ESRRB: variants seen among roughly 807,000 people sequenced by gnomAD.
ESRRB encodes steroid hormone receptor ERR2.
A neutral mutation model predicts 46.0 loss-of-function variants in ESRRB; 16 were observed. That is an observed-to-expected ratio of 0.35 (90% confidence interval 0.24 to 0.53). ESRRB has a LOEUF of 0.53. Ranked by LOEUF, ESRRB falls within the 20% of genes least tolerant of loss-of-function variation. The probability of loss-of-function intolerance (pLI) is 0.93; values close to 1 mark genes in which losing one functional copy is unlikely to be tolerated. For synonymous variants in ESRRB, 246 were observed against 259.6 expected (o/e 0.95, Z 0.50); for missense variants, 488 against 607.4 (o/e 0.80, Z 2.07).
At position 76,310,784 on chromosome 14, in the gene ESRRB, A is replaced by T. The variant is rs78226339; in HGVS notation, c.-131A>T. ...TGGGAGTACTGTGTCCTTAGTCACA[A>T]AGAGACACAGACAGGGGACTGTCAG... On this transcript the variant is annotated 5_prime_UTR_variant, in exon 1 of 7. Coordinates refer to the ESRRB transcript ENST00000512784. 9.5e-3 allele frequency: 4,317 copies of T among 452,692 alleles called. 150 individuals carry two copies. Among genetic ancestry groups the T allele is most frequent in the African/African-American group, 0.079 (3,882 of 48,956 alleles). The allele number at this position is 452,692 out of a possible 1,614,324, so 28.0% of individuals were successfully genotyped here.
At chr14:76,446,148 G>C (rs1034671643) in intron 2 of ESRRB, among the ~76,000 whole-genome samples, 2 of 152,156 alleles carry the variant, frequency 1.3e-5, no homozygotes, top group Admixed American at 6.6e-5. Flanking sequence ...TTTGTATATT[G>C]TCTATGGCTG....
intron 1 of ESRRB, among the ~76,000 whole-genome samples, chr14:76,331,482 AGAC>A (rs1884012658): frequency 6.6e-6 from 1 of 152,170 alleles, no homozygotes; most frequent in South Asian, 2.1e-4. Flanking sequence ...CTGCTCTTAA[AGAC>A]GTGAGAGGGA....
intron 1 of ESRRB, chr14:76,310,954 T>C (rs1423418575): frequency 2.2e-6 from 1 of 452,164 alleles, no homozygotes; most frequent in Admixed American, 2.4e-5. Context: ...CTCCCCAGAC[T>C]CTGCGGGTCC....
chr14:76,455,236 G>T (rs1888558058), intron 2 of ESRRB, among the ~76,000 whole-genome samples: 1 of 151,950 alleles, frequency 6.6e-6, no homozygotes, highest in Non-Finnish European at 1.5e-5. Flanking sequence ...ATATATATAT[G>T]TTTTATAATG....
chr14:76,498,206 G>A lies in ESRRB; in HGVS notation c.1121-8G>A, dbSNP rs772231682. 12 of 1,613,560 alleles carry A rather than the reference G, an allele frequency of 7.4e-6. No individual in the cohort carries two copies. ...CAAGCCTGCTAATGCTCGTCCTTGT[G>A]CCTGCAGATTCCATGTACATCGAGG... On this transcript the variant is annotated splice_region_variant and splice_polypyrimidine_tract_variant and intron_variant, in intron 6 of 6. Transcript: ENST00000644823.
At chr14:76,404,814 G>A (rs928800608) in intron 1 of ESRRB, among the ~76,000 whole-genome samples, 2 of 152,130 alleles carry the variant, frequency 1.3e-5, no homozygotes, top group Non-Finnish European at 1.5e-5. Flanking sequence ...TGATAAATAG[G>A]GCACGGTAAT....
intron 1 of ESRRB, among the ~76,000 whole-genome samples, chr14:76,396,887 A>G (rs1885708912): frequency 6.6e-6 from 1 of 152,206 alleles, no homozygotes; most frequent in Non-Finnish European, 1.5e-5. Context: ...TTCACGCCTC[A>G]TGGAGCCAGG....
chr14:76,401,114 G>A (rs1301946972), intron 1 of ESRRB, among the ~76,000 whole-genome samples: 3 of 152,232 alleles, frequency 2.0e-5, no homozygotes, highest in Non-Finnish European at 4.4e-5. Flanking sequence ...GGGTTGAGAC[G>A]AGAAAAGGCA....
At chr14:76,390,966 T>G (rs1885444495) in intron 1 of ESRRB, among the ~76,000 whole-genome samples, 1 of 152,192 alleles carries the variant, frequency 6.6e-6, no homozygotes, top group Admixed American at 6.5e-5. Context: ...GCTCTGTGTG[T>G]GGCTGCAGCG....
At chr14:76,445,150 G>T (rs1235127906) in intron 2 of ESRRB, among the ~76,000 whole-genome samples, 1 of 146,810 alleles carries the variant, frequency 6.8e-6, no homozygotes, top group Non-Finnish European at 1.5e-5. Context: ...TCCAGCCTGG[G>T]CAACAGAGCT....
chr14:76,370,111 C>T (rs534255268), upstream of ESRRB, among the ~76,000 whole-genome samples: 3 of 152,090 alleles, frequency 2.0e-5, no homozygotes, highest in African/African-American at 7.2e-5. Flanking sequence ...GTTGCCAAAG[C>T]CAGGCATGGT....
intron 2 of ESRRB, among the ~76,000 whole-genome samples, chr14:76,440,497 G>T (rs1315547357): frequency 6.6e-6 from 1 of 151,988 alleles, no homozygotes; most frequent in African/African-American, 2.4e-5. Context: ...TTGGAATCAG[G>T]ACAGGAGCTC....
intron 3 of ESRRB, among the ~76,000 whole-genome samples, chr14:76,476,953 G>A (rs901714771): frequency 1.3e-5 from 2 of 152,200 alleles, no homozygotes; most frequent in Admixed American, 6.5e-5. Context: ...TCCCATTGCC[G>A]TGGTGGCACG....
chr14:76,364,882 TACA>T (rs916535525), intron 1 of ESRRB, among the ~76,000 whole-genome samples: 1 of 152,190 alleles, frequency 6.6e-6, no homozygotes, highest in African/African-American at 2.4e-5. Flanking sequence ...CCCTTCTCTA[TACA>T]ACAAAATTAT....
upstream of ESRRB, among the ~76,000 whole-genome samples, chr14:76,369,754 A>AT (rs1884575884): frequency 6.6e-6 from 1 of 152,138 alleles, no homozygotes; most frequent in Admixed American, 6.5e-5. Flanking sequence ...CCAATGTTGA[A>AT]TTTTCTGTCA....
chr14:76,351,601 A>G (rs1884313635), intron 1 of ESRRB, among the ~76,000 whole-genome samples: 2 of 152,188 alleles, frequency 1.3e-5, no homozygotes, highest in Admixed American at 1.3e-4. Flanking sequence ...GGGGGTGAGG[A>G]CTTCAGCATA....
chr14:76,375,245 C>A (rs981581164), upstream of ESRRB, among the ~76,000 whole-genome samples: 1 of 151,964 alleles, frequency 6.6e-6, no homozygotes, highest in African/African-American at 2.4e-5. Context: ...AGAAGCAGGG[C>A]TGGGGCATGA....
intron 1 of ESRRB, among the ~76,000 whole-genome samples, chr14:76,401,226 C>A (rs1366848892): frequency 1.3e-5 from 2 of 152,338 alleles, no homozygotes; most frequent in East Asian, 3.9e-4. Flanking sequence ...ATCCCCCACG[C>A]TGGCTGGTCT....
chr14:76,354,674 A>G (rs1318247597), intron 1 of ESRRB, among the ~76,000 whole-genome samples: 17 of 139,018 alleles, frequency 1.2e-4, no homozygotes, highest in Admixed American at 5.1e-4. Flanking sequence ...GGGGTGGAAG[A>G]GTGTGCCTCA....
Sources: allele counts gnomAD v4.1 joint callset (sites outside exome capture counted in the v4.1 genomes callset), GRCh38; gene constraint gnomAD v4.1.1; transcripts MANE v1.5; gene names NCBI Gene and HGNC (gene_info 2026-07-23, HGNC 2026-07-21).